The following RCE1 variants were observed in gnomAD, a reference collection of about 807,000 sequenced individuals.
RCE1 encodes the protein CAAX prenyl protease 2.
Under a neutral mutation model 35.0 loss-of-function variants are expected in RCE1, and 15 were observed. The observed-to-expected ratio is 0.43, with a 90% CI of 0.29 to 0.66. The LOEUF (loss-of-function observed/expected upper bound fraction) is 0.66. RCE1 is among the 30% of genes least tolerant of loss of function. The pLI is 0.17. For missense variants in RCE1, 434 were observed against 433.0 expected, an observed-to-expected ratio of 1.00 and a Z score of -0.02; for synonymous variants, 261 against 192.7, an observed-to-expected ratio of 1.35 and a Z score of -2.94.
At position 66,846,030 on chromosome 11, in the gene RCE1, G is replaced by C; in HGVS notation, c.925G>C (p.Gly309Arg). ...GCCCCTCACGGACCCCAAGCTCTAC[G>C]GCAGCCTTCCCCTTTGTGTGCTTTT... Reference protein sequence around the residue: ...LQPLTDPKLYGSLPLCVLLER... With the variant: ...LQPLTDPKLYRSLPLCVLLER... Residue 309 changes from glycine (G) to arginine (R), a missense_variant, in exon 8 of 8, where the codon GGC becomes CGC. Gly to Arg is a moderately radical substitution (Grantham distance 125). Coordinates refer to ENST00000309657, the MANE Select transcript of RCE1 (RefSeq NM_005133.3). The C allele has an allele frequency of 6.2e-7, 1 of 1,613,760 alleles. No individual in the cohort carries two copies.
At position 66,846,195 on chromosome 11, in the gene RCE1, A is replaced by G; in HGVS notation, c.*100A>G. On this transcript the variant is annotated 3_prime_UTR_variant, in exon 8 of 8. Coordinates refer to ENST00000309657, the MANE Select transcript of RCE1 (RefSeq NM_005133.3). ...GGCTGGCTGGGGTCCCCGAGATCTCAGGAATTTTTGTAGGGGATTGAAGCC... is the reference window on the plus strand; with the variant it reads ...GGCTGGCTGGGGTCCCCGAGATCTCGGGAATTTTTGTAGGGGATTGAAGCC... 1 of 1,426,608 alleles carries G rather than the reference A, an allele frequency of 7.0e-7. No individual in the cohort carries two copies. The highest frequency in any genetic ancestry group is 9.3e-7 in the Non-Finnish European group (1 of 1,075,700). 88.4% of individuals were successfully genotyped at this position (1,426,608 alleles called of 1,614,324 possible).
intron 4 of RCE1, 116 bp downstream of exon 4, chr11:66,844,480 G>T (rs1945163691): frequency 1.4e-6 from 2 of 1,383,864 alleles, no homozygotes; most frequent in Admixed American, 3.8e-5. Flanking sequence ...CTCTGGGTGT[G>T]TTTTCTCATC....
At chr11:66,844,469 T>C in intron 4 of RCE1, 105 bp downstream of exon 4, 3 of 1,435,626 alleles carry the variant, frequency 2.1e-6, no homozygotes, top group Non-Finnish European at 2.9e-6. Context: ...AAATGTCATC[T>C]CTCTGGGTGT....
Position 66,845,032 on chromosome 11 carries a change from A to C in RCE1, c.615A>C (p.Gly205=). Residue 205 remains glycine, a synonymous_variant, in exon 5 of 8, where the codon GGA becomes GGC. Transcript: ENST00000309657. ...PAVFTCPLFF[G]VAHFHHIIEQ... is the part of the protein sequence containing the mutation. ...TGTTCACCTGCCCGCTCTTTTTTGG[A>C]GTTGGTGAGTCTGGCCAGATTAGTC... The C allele has an allele frequency of 6.3e-7, 1 of 1,594,262 alleles. No individual in the cohort carries two copies. Among genetic ancestry groups the C allele is most frequent in the Non-Finnish European group, 8.6e-7 (1 of 1,167,932 alleles).
chr11:66,844,369 G>A lies in RCE1; in HGVS notation c.451+5G>A. 1.2e-6 allele frequency: 2 copies of A among 1,614,176 alleles called. No individual in the cohort carries two copies. The highest frequency in any genetic ancestry group is 1.7e-6 in the Non-Finnish European group (2 of 1,180,020). ...ATGGGCTGAAGGTTGTCCTGGGTGA[G>A]TCTTAAAGGCTGAAGGGAAAAGTAG... On this transcript the variant is annotated splice_donor_5th_base_variant and intron_variant, in intron 4 of 7. Transcript: ENST00000309657.
Position 66,844,948 on chromosome 11 carries a change from G to T in RCE1, c.531G>T (p.Leu177=). 6.2e-7 allele frequency: 1 copy of T among 1,607,398 alleles called. No homozygotes were observed. The highest frequency in any genetic ancestry group is 8.5e-7 in the Non-Finnish European group (1 of 1,176,602). The part of the protein sequence containing the change: ...NQVIAPLTEE[L]VFRACMLPML... ...TGATCGCCCCGCTGACAGAGGAGCT[G>T]GTGTTCCGGGCCTGTATGCTGCCCA... Residue 177 remains leucine (L), a synonymous_variant, in exon 5 of 8, where the codon CTG becomes CTT. Transcript: ENST00000309657.
chr11:66,843,799 C>A lies in RCE1; in HGVS notation c.226C>A (p.Leu76Met). 1 of 1,614,032 alleles carries A rather than the reference C, an allele frequency of 6.2e-7. No homozygotes were observed. Among genetic ancestry groups the A allele is most frequent in the South Asian group, 1.1e-5 (1 of 91,090 alleles). The change falls in exon 2 of 8, where the codon CTG becomes ATG. Residue 76 changes from leucine (L) to methionine (M), a missense_variant. Coordinates refer to ENST00000309657, the MANE Select transcript of RCE1 (RefSeq NM_005133.3). ...CATCAAGCGACGCTTCACCAGCGTCCTGGTGGTGTCCAGTCTCTCACCCCT... is the reference window on the plus strand; with the variant it reads ...CATCAAGCGACGCTTCACCAGCGTCATGGTGGTGTCCAGTCTCTCACCCCT... ...AVIKRRFTSV[L>M]VVSSLSPLCV...
chr11:66,843,777 C>T lies in RCE1; in HGVS notation c.204C>T (p.Ile68=), dbSNP rs749517682. The stretch of plus-strand genomic sequence containing the variant: ...TCCGTAGGGACCATCCCGCGGTCAT[C>T]AAGCGACGCTTCACCAGCGTCCTGG... ...SELPRDHPAV[I]KRRFTSVLVV... is the part of the protein sequence containing the mutation. The change falls in exon 2 of 8, where the codon ATC becomes ATT. Residue 68 remains isoleucine, a synonymous_variant. Transcript: ENST00000309657. 5 of 1,613,864 alleles carry T rather than the reference C, an allele frequency of 3.1e-6. No homozygotes were observed. Among genetic ancestry groups the T allele is most frequent in the Non-Finnish European group, 4.2e-6 (5 of 1,180,028 alleles).
chr11:66,846,377 T>TCTTAG lies in RCE1; in HGVS notation c.*285_*289dup, dbSNP rs1374032954. ...CTTCCTCACTTTGGACTGCTGCTTC[T>TCTTAG]CTTAGCTCCTCTGCCTCTGAAAAGC... On this transcript the variant is annotated 3_prime_UTR_variant, in exon 8 of 8. Coordinates refer to ENST00000309657, the MANE Select transcript of RCE1 (RefSeq NM_005133.3). 5.8e-6 allele frequency: 2 copies of TCTTAG among 345,448 alleles called. No homozygotes were observed. Among genetic ancestry groups the TCTTAG allele is most frequent in the Non-Finnish European group, 1.1e-5 (2 of 189,944 alleles). The allele number at this position is 345,448 out of a possible 1,614,324, so 21.4% of individuals were successfully genotyped here. A position where few individuals can be genotyped will look rare whatever the true frequency, so the allele number is the denominator to read the frequency against.
At position 66,845,252 on chromosome 11, in the gene RCE1, G is replaced by A. The variant is rs375060428; in HGVS notation, c.691+15G>A. 1 of 1,614,204 alleles carries A rather than the reference G, an allele frequency of 6.2e-7. No individual in the cohort carries two copies. Among genetic ancestry groups the A allele is most frequent in the African/African-American group, 1.3e-5 (1 of 75,064 alleles). ...CTTGTCTGCTGGTGAGTCCTGGCTA[G>A]CTGGCCTGGGTTAGGGTGTATGATG... is the stretch of plus-strand genomic sequence containing the variant. On this transcript the variant is annotated intron_variant, in intron 6 of 7. Transcript: ENST00000309657.
Position 66,846,302 on chromosome 11 carries a change from G to C in RCE1, c.*207G>C, listed in dbSNP as rs1733070213. The C allele has an allele frequency of 1.7e-6, 1 of 605,432 alleles. No homozygotes were observed. Among genetic ancestry groups the C allele is most frequent in the Non-Finnish European group, 2.7e-6 (1 of 368,164 alleles). 37.5% of individuals were successfully genotyped at this position (605,432 alleles called of 1,614,324 possible). On this transcript the variant is annotated 3_prime_UTR_variant, in exon 8 of 8. Transcript: ENST00000309657. ...CCCCTTTTGAAAGGGGTGTTTACGA[G>C]CAGCTGTGAGTGAGGGGACAAGGGG... is the stretch of plus-strand genomic sequence containing the variant.
At chr11:66,845,650 C>G (rs545366449) in intron 7 of RCE1, 88 bp downstream of exon 7, 1 of 1,592,346 alleles carries the variant, frequency 6.3e-7, no homozygotes, top group Non-Finnish European at 8.6e-7. Context: ...AACAAAAGTT[C>G]TTCTACTCCA....
chr11:66,846,364 G>C lies in RCE1; in HGVS notation c.*269G>C. 1 of 394,226 alleles carries C rather than the reference G, an allele frequency of 2.5e-6. No homozygotes were observed. Among genetic ancestry groups the C allele is most frequent in the Non-Finnish European group, 4.5e-6 (1 of 220,456 alleles). The allele number at this position is 394,226 out of a possible 1,614,324, so 24.4% of individuals were successfully genotyped here. ...AGCCACACACTCCCTTCCTCACTTT[G>C]GACTGCTGCTTCTCTTAGCTCCTCT... On this transcript the variant is annotated 3_prime_UTR_variant, in exon 8 of 8. Coordinates refer to ENST00000309657, the MANE Select transcript of RCE1 (RefSeq NM_005133.3).
Position 66,846,080 on chromosome 11 carries a change from TC to T in RCE1, c.979del (p.Leu327CysfsTer44). On this transcript the variant is annotated frameshift_variant, in exon 8 of 8. Coordinates refer to ENST00000309657, the MANE Select transcript of RCE1 (RefSeq NM_005133.3). LOFTEE classifies it high-confidence loss of function. ...LLERAGDSEA[P>X]LCS ...TGGAGCGGGCAGGGGACTCAGAGGC[TC>T]CCCTGTGCTCCTGACCTATGCTCCT... is the stretch of plus-strand genomic sequence containing the variant. The T allele has an allele frequency of 6.2e-7, 1 of 1,609,266 alleles. No homozygotes were observed.
intron 4 of RCE1, 25 bp downstream of exon 4, chr11:66,844,389 A>G: frequency 2.5e-6 from 4 of 1,613,928 alleles, no homozygotes; most frequent in Admixed American, 1.7e-5. Flanking sequence ...CTGAAGGGAA[A>G]AGTAGGCACA....
chr11:66,843,907 G>C, intron 2 of RCE1, 46 bp downstream of exon 2: 1 of 1,614,026 alleles, frequency 6.2e-7, no homozygotes, highest in Non-Finnish European at 8.5e-7. Context: ...AGAGCTCAGG[G>C]GTCTTTAGGG....
At chr11:66,845,302 A>G (rs1591102141) in intron 6 of RCE1, 65 bp downstream of exon 6, 1 of 1,610,260 alleles carries the variant, frequency 6.2e-7, no homozygotes, top group African/African-American at 1.3e-5. Context: ...CACTCTGGAG[A>G]AGGAATTGGG....
At chr11:66,844,654 TA>T in intron 4 of RCE1, 1 of 813,646 alleles carries the variant, frequency 1.2e-6, no homozygotes, top group Non-Finnish European at 1.9e-6. Flanking sequence ...CTCCAGAGTT[TA>T]CTTCCAGGAT....
intron 4 of RCE1, 186 bp downstream of exon 4, chr11:66,844,550 GT>G (rs1393178536): frequency 5.1e-6 from 4 of 785,188 alleles, no homozygotes. Context: ...CGTCCAAGGA[GT>G]TCCCTGGGAA....
Sources: gnomAD v4.1 joint callset for allele counts on GRCh38, gnomAD v4.1.1 for gene constraint, MANE v1.5 for transcripts, NCBI Gene and HGNC (gene_info 2026-07-23, HGNC 2026-07-21) for gene names.